MTIF2: variants seen among roughly 807,000 people sequenced by gnomAD.
MTIF2 encodes translation initiation factor IF-2, mitochondrial.
A neutral mutation model predicts 83.5 loss-of-function variants in MTIF2; 71 were observed. The observed-to-expected ratio is 0.85, with a 90% CI of 0.70 to 1.04. MTIF2 has a LOEUF of 1.04. Among genes scored for constraint, MTIF2 ranks in the 50% least tolerant of loss-of-function variants. The pLI, the probability that MTIF2 is intolerant of heterozygous loss-of-function variation, is 0.00. For synonymous variants in MTIF2, 319 were observed against 287.1 expected (o/e 1.11, Z -1.12); for missense variants, 957 against 846.5 (o/e 1.13, Z -1.62).
chr2:55,241,483 G>GA (rs1676305502), intron 13 of MTIF2, among the ~76,000 whole-genome samples: 1 of 150,966 alleles, frequency 6.6e-6, no homozygotes, highest in Non-Finnish European at 1.5e-5. Flanking sequence ...CAAAATGAAT[G>GA]AAAAAAATTA....
chr2:55,241,039 CAACA>C (rs1676263234), intron 13 of MTIF2, among the ~76,000 whole-genome samples: 2 of 151,018 alleles, frequency 1.3e-5, no homozygotes. Flanking sequence ...ACCATTTTAC[CAACA>C]AACAAATAAT....
At chr2:55,260,343 C>A (rs567105788) in intron 5 of MTIF2, among the ~76,000 whole-genome samples, 1 of 145,122 alleles carries the variant, frequency 6.9e-6, no homozygotes, top group South Asian at 2.1e-4. Context: ...GATGTTGCAG[C>A]AAGCCGAGAT....
At chr2:55,247,923 C>T (rs866832631) in intron 9 of MTIF2, among the ~76,000 whole-genome samples, 2 of 152,024 alleles carry the variant, frequency 1.3e-5, no homozygotes, top group Middle Eastern at 3.2e-3. Flanking sequence ...CAAGGTCTCA[C>T]TCTGTTATCA....
In MTIF2 at chr2:55,236,693, T is replaced by C. The variant is rs369833064; in HGVS notation, c.2139A>G (p.Glu713=). The change falls in exon 16 of 16, where the codon GAA becomes GAG. Residue 713 remains glutamate (E), a synonymous_variant. Coordinates refer to ENST00000263629, the MANE Select transcript of MTIF2 (RefSeq NM_002453.3). ...AAGTCTTGGCTTGAATTTGCTTTTC[T>C]TCATAACAAACAATTCTGTCTCCCA... ...FQVGDRIVCY[E]EKQIQAKTSW... is the part of the protein sequence containing the mutation. The C allele has an allele frequency of 1.2e-6, 2 of 1,603,916 alleles. No individual in the cohort carries two copies. Among genetic ancestry groups the C allele is most frequent in the Non-Finnish European group, 1.7e-6 (2 of 1,177,374 alleles).
In MTIF2 at chr2:55,263,789, G is replaced by A. The variant is rs1248201201; in HGVS notation, c.70C>T (p.Leu24=). ...FHTIYRQLHS[L]CQRRALRQWR... Reference sequence around the variant, plus strand: ...TGTCTTAATGCTCTTCTTTGACACAGACTGTGCAGTTGCCTATAAATAGTG... The same window carrying A: ...TGTCTTAATGCTCTTCTTTGACACAAACTGTGCAGTTGCCTATAAATAGTG... The change falls in exon 4 of 16, where the codon CTG becomes TTG. Residue 24 remains leucine, a synonymous_variant. Transcript: ENST00000263629. The A allele has an allele frequency of 6.2e-7, 1 of 1,614,046 alleles. No homozygotes were observed. The highest frequency in any genetic ancestry group is 1.3e-5 in the African/African-American group (1 of 75,000).
intron 13 of MTIF2, among the ~76,000 whole-genome samples, 185 bp from the exon 14 acceptor site, chr2:55,240,360 C>T (rs1676211725): frequency 1.3e-5 from 2 of 152,146 alleles, no homozygotes; most frequent in South Asian, 4.1e-4. Flanking sequence ...GCAGGTGGAT[C>T]GCCTGAGGTC....
chr2:55,243,318 T>A (rs1277425128), intron 12 of MTIF2, 98 bp downstream of exon 12: 1 of 1,238,048 alleles, frequency 8.1e-7, no homozygotes, highest in African/African-American at 1.5e-5. Flanking sequence ...CCTAAAATAT[T>A]GAAATAATTT....
chr2:55,253,777 T>C (rs1424299001), intron 7 of MTIF2, among the ~76,000 whole-genome samples: 1 of 106,256 alleles, frequency 9.4e-6, no homozygotes, highest in African/African-American at 3.3e-5. Flanking sequence ...ATTGCACCAC[T>C]GCACTCCAGC....
At chr2:55,248,506 G>A (rs1252405782) in intron 9 of MTIF2, among the ~76,000 whole-genome samples, 1 of 152,084 alleles carries the variant, frequency 6.6e-6, no homozygotes. Context: ...GACAAAAAAG[G>A]AAATTGTCAC....
chr2:55,246,282 C>A, intron 10 of MTIF2, 55 bp downstream of exon 10: 2 of 1,519,968 alleles, frequency 1.3e-6, no homozygotes, highest in Non-Finnish European at 1.8e-6. Context: ...GTCATATAAT[C>A]AAGTCACGAA....
intron 5 of MTIF2, among the ~76,000 whole-genome samples, chr2:55,255,742 T>C (rs865789191): frequency 2.0e-5 from 3 of 152,070 alleles, no homozygotes; most frequent in Middle Eastern, 3.4e-3. Flanking sequence ...AAAAGGACAC[T>C]TGTTTGCAGT....
chr2:55,245,723 G>A (rs1474475920), intron 10 of MTIF2, among the ~76,000 whole-genome samples: 1 of 148,834 alleles, frequency 6.7e-6, no homozygotes, highest in African/African-American at 2.5e-5. Context: ...CATAATAAAT[G>A]GGATGTTAGG....
intron 10 of MTIF2, among the ~76,000 whole-genome samples, chr2:55,245,182 G>T (rs1478864250): frequency 6.6e-6 from 1 of 152,166 alleles, no homozygotes; most frequent in Non-Finnish European, 1.5e-5. Flanking sequence ...GACACATACT[G>T]TATGATTCCA....
At chr2:55,249,626 TCTC>T in intron 8 of MTIF2, 92 bp from the exon 9 acceptor site, 1 of 1,474,332 alleles carries the variant, frequency 6.8e-7, no homozygotes, top group Non-Finnish European at 9.2e-7. Context: ...GTTCTGGTTT[TCTC>T]TTTATTCAGT....
intron 10 of MTIF2, 102 bp from the exon 11 acceptor site, chr2:55,244,335 A>G: frequency 1.2e-6 from 1 of 866,504 alleles, no homozygotes; most frequent in East Asian, 2.7e-5. Flanking sequence ...TGTATACACA[A>G]GATTAATTCC....
chr2:55,262,994 C>A (rs7594081), intron 4 of MTIF2, among the ~76,000 whole-genome samples: 28 of 152,040 alleles, frequency 1.8e-4, no homozygotes, highest in African/African-American at 6.5e-4. Flanking sequence ...CCCAAAGAGC[C>A]GTGATTACAG....
At position 55,237,523 on chromosome 2, in the gene MTIF2, A is replaced by C. The variant is rs189564814; in HGVS notation, c.1871-95T>G. ...CTGTGGTATAAGAATTAAAGGTATG[A>C]CAAAAATCCAAATTCATGCCTAGAA... On this transcript the variant is annotated intron_variant, in intron 14 of 15. Transcript: ENST00000263629. 6.5e-5 allele frequency: 79 copies of C among 1,212,532 alleles called. No homozygotes were observed. In the Middle Eastern group the frequency reaches 9.3e-4, roughly 14 times the overall value. 75.1% of individuals were successfully genotyped at this position (1,212,532 alleles called of 1,614,324 possible). A position where few individuals can be genotyped will look rare whatever the true frequency, so the allele number is the denominator to read the frequency against.
At chr2:55,261,286 C>G (rs1677964298) in intron 5 of MTIF2, among the ~76,000 whole-genome samples, 1 of 152,272 alleles carries the variant, frequency 6.6e-6, no homozygotes, top group South Asian at 2.1e-4. Context: ...CAGTATTTCT[C>G]TGCTGGCCTT....
chr2:55,239,884 C>A (rs1676170354), intron 14 of MTIF2, 127 bp downstream of exon 14: 1 of 764,248 alleles, frequency 1.3e-6, no homozygotes, highest in Non-Finnish European at 2.0e-6. Flanking sequence ...TCATGGTAGT[C>A]ATTTTTTTCT....
Sources: gnomAD v4.1 joint callset for allele counts (sites outside exome capture counted in the v4.1 genomes callset) on GRCh38, gnomAD v4.1.1 for gene constraint, MANE v1.5 for transcripts, NCBI Gene and HGNC (gene_info 2026-07-23, HGNC 2026-07-21) for gene names.